Variants in CSMD1 observed in about 807,000 individuals in gnomAD.
The protein encoded by CSMD1 is CUB and Sushi multiple domains 1.
A neutral mutation model predicts 417.5 loss-of-function variants in CSMD1; 213 were observed. The ratio of observed to expected loss-of-function variants is 0.51; its 90% CI spans 0.46 to 0.57. CSMD1 has a LOEUF of 0.57. Among genes scored for constraint, CSMD1 ranks in the 20% least tolerant of loss-of-function variants. The pLI, the probability that CSMD1 is intolerant of heterozygous loss-of-function variation, is 0.00. For missense variants in CSMD1, 6,923 were observed against 4,529.7 expected (o/e 1.53, Z -15.17); for synonymous variants, 2,862 against 1,736.8 (o/e 1.65, Z -16.11).
In CSMD1 at chr8:4,684,314, T is replaced by C. The variant is rs180945530; in HGVS notation, c.86-46756A>G. ...GGAGCGCAGACTTGGTAAAAATCGG[T>C]TTTCTGTTTGTCCAACAACATATAA... On this transcript the variant is annotated intron_variant, in intron 1 of 69. Transcript: ENST00000635120. 2.3e-4 allele frequency among the ~76,000 whole-genome samples: 35 copies of C among 152,318 alleles called. 1 individual carries two copies. The East Asian group carries it at 6.2e-3, about 27-fold the overall frequency.
rs563546088 is a variant in CSMD1, at chr8:4,208,313, G to C, written c.416-176214C>G. 1.4e-4 allele frequency among the ~76,000 whole-genome samples: 22 copies of C among 152,234 alleles called. No homozygotes were observed. The South Asian group carries it at 4.6e-3, about 32-fold the overall frequency. ...AGAATTAGAAAAAAAGACTGGAGAA[G>C]AAATAAAAGCAAATCAGGTCTTATT... On this transcript the variant is annotated intron_variant, in intron 3 of 69. Transcript: ENST00000635120.
At chr8:4,402,658 A>G (rs1198251760) in intron 3 of CSMD1, among the ~76,000 whole-genome samples, 4 of 152,110 alleles carry the variant, frequency 2.6e-5, no homozygotes, top group Non-Finnish European at 5.9e-5. Flanking sequence ...CATTTTCATT[A>G]ATGAATTTGC....
intron 3 of CSMD1, among the ~76,000 whole-genome samples, chr8:4,220,319 C>T (rs1415586823): frequency 2.0e-5 from 3 of 152,068 alleles, no homozygotes; most frequent in South Asian, 2.1e-4. Flanking sequence ...AAATTTGAAG[C>T]GTGAGAAGGA....
At chr8:2,956,711 C>T (rs1803036488) in intron 63 of CSMD1, among the ~76,000 whole-genome samples, 3 of 152,120 alleles carry the variant, frequency 2.0e-5, no homozygotes, top group Admixed American at 2.0e-4. Context: ...CTGCCTCGGC[C>T]TCCCAAAATG....
intron 5 of CSMD1, among the ~76,000 whole-genome samples, chr8:3,986,271 CA>C (rs1235480852): frequency 6.6e-6 from 1 of 152,106 alleles, no homozygotes; most frequent in East Asian, 1.9e-4. Flanking sequence ...AGGGCATCAA[CA>C]TTCTCTCTAC....
chr8:4,987,115 G>T (rs1811217348), intron 1 of CSMD1, among the ~76,000 whole-genome samples: 1 of 152,160 alleles, frequency 6.6e-6, no homozygotes, highest in Non-Finnish European at 1.5e-5. Context: ...TTCCCTAAGT[G>T]AGATTACGTG....
intron 1 of CSMD1, among the ~76,000 whole-genome samples, chr8:4,836,712 G>A (rs1158116062): frequency 6.6e-6 from 1 of 152,056 alleles, no homozygotes; most frequent in Non-Finnish European, 1.5e-5. Context: ...CTATCATGGA[G>A]CAAAGAAGTC....
chr8:4,406,855 C>T (rs1805060460), intron 3 of CSMD1, among the ~76,000 whole-genome samples: 1 of 152,186 alleles, frequency 6.6e-6, no homozygotes, highest in Admixed American at 6.5e-5. Flanking sequence ...AAAATGTCCA[C>T]TGTAAATACA....
intron 3 of CSMD1, among the ~76,000 whole-genome samples, chr8:4,369,895 T>C (rs938154946): frequency 2.0e-5 from 3 of 152,160 alleles, no homozygotes; most frequent in Non-Finnish European, 4.4e-5. Context: ...CAACTTTCCA[T>C]TTGGGTAAAA....
At chr8:4,016,563 T>G (rs147170874) in intron 4 of CSMD1, among the ~76,000 whole-genome samples, 2 of 152,114 alleles carry the variant, frequency 1.3e-5, no homozygotes, top group Non-Finnish European at 2.9e-5. Context: ...AAGATGAAGA[T>G]TCACTTAGTC....
At chr8:4,947,150 A>C (rs973377906) in intron 1 of CSMD1, among the ~76,000 whole-genome samples, 13 of 152,238 alleles carry the variant, frequency 8.5e-5, no homozygotes, top group Non-Finnish European at 1.9e-4. Context: ...ATTTAACACA[A>C]ATTCACAACA....
intron 3 of CSMD1, among the ~76,000 whole-genome samples, chr8:4,326,534 A>C (rs970400489): frequency 1.3e-5 from 2 of 152,206 alleles, no homozygotes; most frequent in East Asian, 1.9e-4. Flanking sequence ...CATAATGAGT[A>C]ATCAAAGGTG....
intron 3 of CSMD1, among the ~76,000 whole-genome samples, chr8:4,098,459 G>A (rs1022446435): frequency 6.6e-6 from 1 of 151,972 alleles, no homozygotes; most frequent in South Asian, 2.1e-4. Context: ...GACACATATT[G>A]TTCCATGTTG....
chr8:4,336,530 T>C (rs900564793), intron 3 of CSMD1, among the ~76,000 whole-genome samples: 9 of 152,144 alleles, frequency 5.9e-5, no homozygotes, highest in Non-Finnish European at 8.8e-5. Context: ...ACGTGTTCGA[T>C]GAATGTCATG....
At chr8:4,526,233 T>A (rs945289683) in intron 2 of CSMD1, among the ~76,000 whole-genome samples, 2 of 152,200 alleles carry the variant, frequency 1.3e-5, no homozygotes, top group Non-Finnish European at 2.9e-5. Flanking sequence ...TTGATTATAA[T>A]ACTAGACAAG....
rs563682501 is a variant in CSMD1, at chr8:4,278,784, T to C, written c.415+141169A>G. Among the ~76,000 whole-genome samples, 4 of 152,332 alleles carry C rather than the reference T, an allele frequency of 2.6e-5. No homozygotes were observed. The East Asian group carries it at 5.8e-4, about 22-fold the overall frequency. Reference sequence around the variant, plus strand: ...GAACAAAGAGCCAAGTGTGATTATGTGGAATGCTTTCATTTGTGTTTATAA... The same window carrying C: ...GAACAAAGAGCCAAGTGTGATTATGCGGAATGCTTTCATTTGTGTTTATAA... On this transcript the variant is annotated intron_variant, in intron 3 of 69. Coordinates refer to ENST00000635120, the MANE Select transcript of CSMD1 (RefSeq NM_033225.6).
chr8:3,173,673 C>G lies in CSMD1; in HGVS notation c.5725+7437G>C, dbSNP rs540350903. On this transcript the variant is annotated intron_variant, in intron 37 of 69. Coordinates refer to ENST00000635120, the MANE Select transcript of CSMD1 (RefSeq NM_033225.6). ...TCTGTTGGAGGTAGTAAGCTCTCGT[C>G]TCAGTGCACAGAATGAAATCTCTGT... Among the ~76,000 whole-genome samples the G allele has an allele frequency of 9.7e-4, 148 of 152,296 alleles. 2 individuals carry two copies. Among genetic ancestry groups the G allele is most frequent in the African/African-American group, 3.2e-3 (134 of 41,552 alleles).
chr8:4,640,973 G>GTA lies in CSMD1; in HGVS notation c.86-3417_86-3416dup, dbSNP rs1554532572. ...TGGCAATATCAATGGTAAAAAAGAA[G>GTA]TATATATATATGTATGTGTATATTT... is the stretch of plus-strand genomic sequence containing the variant. On this transcript the variant is annotated intron_variant, in intron 1 of 69. Coordinates refer to ENST00000635120, the MANE Select transcript of CSMD1 (RefSeq NM_033225.6). 3.6e-3 allele frequency among the ~76,000 whole-genome samples: 541 copies of GTA among 150,468 alleles called. 3 individuals carry two copies. Among genetic ancestry groups the GTA allele is most frequent in the African/African-American group, 0.012 (510 of 41,042 alleles).
intron 2 of CSMD1, among the ~76,000 whole-genome samples, chr8:4,495,230 G>C (rs980542551): frequency 1.4e-4 from 21 of 152,110 alleles, no homozygotes; most frequent in African/African-American, 5.1e-4. Flanking sequence ...GATTAATAAT[G>C]GGAAACTACC....
Sources: allele counts gnomAD v4.1 joint callset (sites outside exome capture counted in the v4.1 genomes callset), GRCh38; gene constraint gnomAD v4.1.1; transcripts MANE v1.5; gene names NCBI Gene and HGNC (gene_info 2026-07-23, HGNC 2026-07-21).